The following ARHGEF3 variants were observed in gnomAD, a reference collection of about 807,000 sequenced individuals.
The protein encoded by ARHGEF3 is 59.8 kDA protein.
Under a neutral mutation model 63.2 loss-of-function variants are expected in ARHGEF3, and 28 were observed. That is an observed-to-expected ratio of 0.44 (90% CI 0.33 to 0.61). The LOEUF (loss-of-function observed/expected upper bound fraction) is 0.61. Among genes scored for constraint, ARHGEF3 ranks in the 20% least tolerant of loss-of-function variants. The pLI, the probability that ARHGEF3 is intolerant of heterozygous loss-of-function variation, is 0.03. For synonymous variants in ARHGEF3, 266 were observed against 254.2 expected (o/e 1.05, Z -0.44); for missense variants, 533 against 659.3 (o/e 0.81, Z 2.10).
chr3:56,933,270 A>G (rs1578875746), intron 3 of ARHGEF3, among the ~76,000 whole-genome samples: 1 of 152,280 alleles, frequency 6.6e-6, no homozygotes, highest in East Asian at 1.9e-4. Context: ...ATCTCTCCAT[A>G]TGCAGCAGGA....
chr3:56,818,186 C>A (rs2038339492), intron 4 of ARHGEF3, among the ~76,000 whole-genome samples: 1 of 152,188 alleles, frequency 6.6e-6, no homozygotes, highest in African/African-American at 2.4e-5. Flanking sequence ...CCAAACAGAA[C>A]TGGGTGACCC....
intron 2 of ARHGEF3, among the ~76,000 whole-genome samples, chr3:56,999,186 G>A (rs148275001): frequency 0.016 from 2,439 of 152,224 alleles, 75 homozygotes; most frequent in African/African-American, 0.056. Flanking sequence ...AGCCTCCTGA[G>A]TAGCTGGGAC....
At chr3:57,076,571 T>C (rs1379459074) in intron 1 of ARHGEF3, among the ~76,000 whole-genome samples, 1 of 152,158 alleles carries the variant, frequency 6.6e-6, no homozygotes, top group Non-Finnish European at 1.5e-5. Flanking sequence ...TTGCAGGAGA[T>C]GACAAGTTCC....
intron 3 of ARHGEF3, among the ~76,000 whole-genome samples, chr3:56,954,638 G>A (rs911216683): frequency 3.3e-5 from 5 of 152,176 alleles, no homozygotes; most frequent in African/African-American, 1.2e-4. Context: ...TTGCTCAGGA[G>A]GGTGGGAAAG....
intron 1 of ARHGEF3, among the ~76,000 whole-genome samples, chr3:57,036,783 A>G (rs1389386078): frequency 6.6e-6 from 1 of 152,212 alleles, no homozygotes; most frequent in Admixed American, 6.5e-5. Flanking sequence ...CTTCTAAGCT[A>G]GTGCTGGCTG....
chr3:56,917,367 T>C (rs902892721), intron 3 of ARHGEF3, among the ~76,000 whole-genome samples: 1 of 152,186 alleles, frequency 6.6e-6, no homozygotes, highest in Non-Finnish European at 1.5e-5. Context: ...TAATTACAAA[T>C]TTTAGCTGTT....
intron 4 of ARHGEF3, among the ~76,000 whole-genome samples, chr3:56,877,927 G>GA (rs942724290): frequency 6.6e-6 from 1 of 151,616 alleles, no homozygotes; most frequent in African/African-American, 2.4e-5. Flanking sequence ...ATTTCATAAT[G>GA]AAAAAAAATT....
intron 3 of ARHGEF3, among the ~76,000 whole-genome samples, chr3:56,958,319 A>AT (rs532097300): frequency 0.022 from 2,923 of 133,268 alleles, 62 homozygotes; most frequent in African/African-American, 0.055. Context: ...GGCCACTTGA[A>AT]TTTTTTTTTT....
chr3:56,762,764 A>C (rs1463437506), intron 2 of ARHGEF3, among the ~76,000 whole-genome samples: 4 of 152,170 alleles, frequency 2.6e-5, no homozygotes, highest in Admixed American at 6.5e-5. Context: ...GGACTGTAAG[A>C]GGAAAAAACT....
chr3:56,846,942 T>C (rs2039512209), intron 4 of ARHGEF3, among the ~76,000 whole-genome samples: 1 of 152,204 alleles, frequency 6.6e-6, no homozygotes, highest in Non-Finnish European at 1.5e-5. Flanking sequence ...TCTTACAGGA[T>C]TTATTTACAA....
chr3:56,732,019 C>T (rs1426545085), intron 9 of ARHGEF3: 1 of 613,808 alleles, frequency 1.6e-6, no homozygotes, highest in Non-Finnish European at 2.9e-6. Flanking sequence ...ATCCTTATAA[C>T]AATCTTATGA....
intron 3 of ARHGEF3, among the ~76,000 whole-genome samples, chr3:56,906,857 G>A (rs1371219032): frequency 6.7e-6 from 1 of 149,336 alleles, no homozygotes; most frequent in African/African-American, 2.5e-5. Context: ...AAGAAAGAAA[G>A]AAAGAAAGAA....
At chr3:56,840,008 C>T (rs1210051499) in intron 4 of ARHGEF3, among the ~76,000 whole-genome samples, 3 of 152,114 alleles carry the variant, frequency 2.0e-5, no homozygotes, top group Non-Finnish European at 1.5e-5. Context: ...TCATCTTGGC[C>T]GTGTGTCATC....
chr3:56,782,483 T>C (rs1043455872), intron 1 of ARHGEF3, among the ~76,000 whole-genome samples: 5 of 151,890 alleles, frequency 3.3e-5, no homozygotes, highest in African/African-American at 9.7e-5. Context: ...ATCTCAAACA[T>C]GGAAGCCACA....
chr3:56,881,204 G>A (rs182398176), intron 4 of ARHGEF3, among the ~76,000 whole-genome samples: 5 of 152,192 alleles, frequency 3.3e-5, no homozygotes, highest in African/African-American at 4.8e-5. Context: ...GAAGTGACTC[G>A]TCCAAGGTAC....
chr3:56,764,670 C>T lies in ARHGEF3; in HGVS notation c.204+9039G>A, dbSNP rs114526950. ...GGCCATGAACATAAGGTACTTTGTG[C>T]AGAACCTGGTTCATCATAGATACTA... On this transcript the variant is annotated intron_variant, in intron 2 of 9. Transcript: ENST00000296315. 8.8e-4 allele frequency among the ~76,000 whole-genome samples: 133 copies of T among 151,960 alleles called. 1 individual carries two copies. The highest frequency in any genetic ancestry group is 3.1e-3 in the African/African-American group (127 of 41,454).
intron 7 of ARHGEF3, among the ~76,000 whole-genome samples, chr3:56,738,402 G>A (rs2033787815): frequency 6.6e-6 from 1 of 152,000 alleles, no homozygotes; most frequent in Non-Finnish European, 1.5e-5. Context: ...GAACTCCTCA[G>A]CTCAAGTGAT....
At chr3:56,959,963 C>A (rs1700209868) in intron 2 of ARHGEF3, among the ~76,000 whole-genome samples, 1 of 152,110 alleles carries the variant, frequency 6.6e-6, no homozygotes. Flanking sequence ...GGTGACAGAG[C>A]GAGACTCCAT....
At chr3:56,891,824 G>A (rs1474439904) in intron 3 of ARHGEF3, among the ~76,000 whole-genome samples, 1 of 152,170 alleles carries the variant, frequency 6.6e-6, no homozygotes, top group Admixed American at 6.5e-5. Flanking sequence ...GTAACAGCAA[G>A]TAAGTACAGG....
Sources: allele counts gnomAD v4.1 joint callset (sites outside exome capture counted in the v4.1 genomes callset), GRCh38; gene constraint gnomAD v4.1.1; transcripts MANE v1.5; gene names NCBI Gene and HGNC (gene_info 2026-07-23, HGNC 2026-07-21).